ETS1: variants seen among roughly 807,000 people sequenced by gnomAD.
The protein encoded by ETS1 is ETS proto-oncogene 1, transcription factor, also known as protein C-ets-1.
ETS1 carries 15 observed loss-of-function variants against 58.6 expected under a neutral mutation model. That is an observed-to-expected ratio of 0.26 (90% CI 0.17 to 0.39). The LOEUF is 0.39. Ranked by LOEUF, ETS1 falls within the 10% of genes least tolerant of loss-of-function variation. ETS1 has a pLI of 1.00. For synonymous variants in ETS1, 214 were observed against 218.2 expected, an observed-to-expected ratio of 0.98 and a Z score of 0.17; for missense variants, 417 against 610.5, an observed-to-expected ratio of 0.68 and a Z score of 3.34.
chr11:128,521,408 G>A (rs1302231592), intron 3 of ETS1, among the ~76,000 whole-genome samples: 1 of 152,272 alleles, frequency 6.6e-6, no homozygotes, highest in East Asian at 1.9e-4. Context: ...GAAAAGAGGG[G>A]CAAGGCATGT....
intron 8 of ETS1, among the ~76,000 whole-genome samples, chr11:128,479,209 A>G (rs1379828153): frequency 1.3e-5 from 2 of 152,230 alleles, no homozygotes; most frequent in East Asian, 1.9e-4. Context: ...AGACACCTCA[A>G]TAGAAACACA....
chr11:128,489,283 T>C lies in ETS1; in HGVS notation c.535+7A>G, dbSNP rs982790283. On this transcript the variant is annotated splice_region_variant and intron_variant, in intron 5 of 9. Transcript: ENST00000392668. ...ACCTCCACCTCTCTCTGTTTCCACA[T>C]ATTTACCTTTCTGCAGGATCTCTAG... 19 of 1,613,226 alleles carry C rather than the reference T, an allele frequency of 1.2e-5. No individual in the cohort carries two copies. In the East Asian group the frequency reaches 4.2e-4, roughly 36 times the overall value.
chr11:128,585,665 C>T (rs1278627682), intron 1 of ETS1, among the ~76,000 whole-genome samples: 3 of 152,186 alleles, frequency 2.0e-5, no homozygotes, highest in African/African-American at 7.2e-5. Flanking sequence ...CAGTCCTTGA[C>T]CTCACTGGCA....
chr11:128,490,604 CA>C, intron 3 of ETS1, 28 bp from the exon 4 acceptor site: 1 of 1,563,356 alleles, frequency 6.4e-7, no homozygotes, highest in Non-Finnish European at 8.8e-7. Context: ...ATATGAATAA[CA>C]AAAATTACAT....
At position 128,460,107 on chromosome 11, in the gene ETS1, CACACACACA is replaced by C. The variant is rs1399232831; in HGVS notation, c.*2245_*2253del. On this transcript the variant is annotated 3_prime_UTR_variant, in exon 10 of 10. Transcript: ENST00000392668. ...ACACACACACACACACACACACACA[CACACACACA>C]ACATTCACACACATGCACACATTCA... is the stretch of plus-strand genomic sequence containing the variant. The C allele has an allele frequency of 2.6e-5, 4 of 151,516 alleles. No homozygotes were observed. Among genetic ancestry groups the C allele is most frequent in the Non-Finnish European group, 5.9e-5 (4 of 67,930 alleles). 9.4% of individuals were successfully genotyped at this position (151,516 alleles called of 1,614,324 possible). A position where few individuals can be genotyped will look rare whatever the true frequency, so the allele number is the denominator to read the frequency against.
rs1047144484 is a variant in ETS1 at position 128,462,198 on chromosome 11, C to T, written c.*163G>A. The T allele has an allele frequency of 2.6e-5, 16 of 605,344 alleles. No individual in the cohort carries two copies. Among genetic ancestry groups the T allele is most frequent in the South Asian group, 1.3e-4 (6 of 45,872 alleles). The allele number at this position is 605,344 out of a possible 1,614,324, so 37.5% of individuals were successfully genotyped here. ...AGTCCTGGCTTTCCTTTCCCAACTGCGCACAATTGATTACAGCTGCAACTG... is the reference window on the plus strand; with the variant it reads ...AGTCCTGGCTTTCCTTTCCCAACTGTGCACAATTGATTACAGCTGCAACTG... On this transcript the variant is annotated 3_prime_UTR_variant, in exon 10 of 10. Transcript: ENST00000392668.
intron 3 of ETS1, among the ~76,000 whole-genome samples, chr11:128,525,557 G>A (rs1055247269): frequency 6.7e-6 from 1 of 148,830 alleles, no homozygotes; most frequent in South Asian, 2.1e-4. Flanking sequence ...ACCACTAACG[G>A]CTGATCCAGA....
At chr11:128,551,751 C>A (rs1864233048) in intron 3 of ETS1, among the ~76,000 whole-genome samples, 1 of 152,144 alleles carries the variant, frequency 6.6e-6, no homozygotes, top group Admixed American at 6.5e-5. Flanking sequence ...CTCAATGAAA[C>A]CCAGTTTGGA....
At chr11:128,517,593 G>A (rs1374084705) in intron 3 of ETS1, among the ~76,000 whole-genome samples, 1 of 152,190 alleles carries the variant, frequency 6.6e-6, no homozygotes, top group Non-Finnish European at 1.5e-5. Context: ...GCAAGCTCAT[G>A]GAATTCCACC....
intron 3 of ETS1, among the ~76,000 whole-genome samples, chr11:128,500,781 G>C (rs1039040209): frequency 6.6e-6 from 1 of 152,056 alleles, no homozygotes; most frequent in African/African-American, 2.4e-5. Flanking sequence ...CACAGTATGC[G>C]TGCACACCCT....
intron 3 of ETS1, among the ~76,000 whole-genome samples, chr11:128,499,318 A>T (rs1412823598): frequency 6.6e-6 from 1 of 152,078 alleles, no homozygotes; most frequent in Non-Finnish European, 1.5e-5. Context: ...TTTTAATTTC[A>T]CTTAACTCCC....
chr11:128,574,981 C>G (rs59664030), intron 1 of ETS1, among the ~76,000 whole-genome samples: 2,777 of 152,278 alleles, frequency 0.018, 91 homozygotes, highest in African/African-American at 0.06. Flanking sequence ...GGAATTCCCC[C>G]CAGTGATGTG....
intron 3 of ETS1, among the ~76,000 whole-genome samples, chr11:128,503,617 T>C (rs1396748113): frequency 6.6e-6 from 1 of 152,190 alleles, no homozygotes; most frequent in Non-Finnish European, 1.5e-5. Context: ...GTGAGTGATC[T>C]ATAGGTCACC....
intron 7 of ETS1, among the ~76,000 whole-genome samples, chr11:128,483,985 T>C (rs944867226): frequency 2.0e-5 from 3 of 152,236 alleles, no homozygotes; most frequent in Admixed American, 1.3e-4. Flanking sequence ...AGACAAACCC[T>C]TTCTTACAAT....
At chr11:128,557,897 A>C (rs1206314069) in intron 2 of ETS1, among the ~76,000 whole-genome samples, 1 of 152,240 alleles carries the variant, frequency 6.6e-6, no homozygotes, top group Non-Finnish European at 1.5e-5. Context: ...ACAAGAATTC[A>C]GTACTACTAT....
chr11:128,498,494 G>C (rs973316109), intron 3 of ETS1, among the ~76,000 whole-genome samples: 3 of 152,174 alleles, frequency 2.0e-5, no homozygotes, highest in African/African-American at 7.2e-5. Flanking sequence ...GCAGCAATAA[G>C]CATCTAAAAT....
At chr11:128,544,777 A>G (rs1209798596) in intron 3 of ETS1, among the ~76,000 whole-genome samples, 2 of 152,174 alleles carry the variant, frequency 1.3e-5, no homozygotes, top group Non-Finnish European at 2.9e-5. Context: ...ATATTCAACA[A>G]TGGCTACACT....
intron 2 of ETS1, among the ~76,000 whole-genome samples, chr11:128,569,529 A>G: frequency 6.6e-6 from 1 of 151,678 alleles, no homozygotes; most frequent in African/African-American, 2.4e-5. Context: ...CCTCCAGGGT[A>G]TCTTAGATTG....
chr11:128,570,363 G>A lies in ETS1; in HGVS notation c.69+2699C>T, dbSNP rs148363735. ...AGCGATTCTCATGCCACAGCCTCCTGAGTAGCTGGGATTACAAGGCATGTG... is the reference window on the plus strand; with the variant it reads ...AGCGATTCTCATGCCACAGCCTCCTAAGTAGCTGGGATTACAAGGCATGTG... On this transcript the variant is annotated intron_variant, in intron 2 of 9. Transcript: ENST00000392668. 1.7e-3 allele frequency among the ~76,000 whole-genome samples: 263 copies of A among 151,662 alleles called. 7 individuals are homozygous for A. The East Asian group carries it at 0.044, about 25-fold the overall frequency.
Sources: gnomAD v4.1 joint callset for allele counts (sites outside exome capture counted in the v4.1 genomes callset) on GRCh38, gnomAD v4.1.1 for gene constraint, MANE v1.5 for transcripts, NCBI Gene and HGNC (gene_info 2026-07-23, HGNC 2026-07-21) for gene names.